The following ARF4 variants were observed in gnomAD, a reference collection of about 807,000 sequenced individuals.
ARF4 encodes the protein ADP-ribosylation factor 4.
A neutral mutation model predicts 24.3 loss-of-function variants in ARF4; 5 were observed. The observed-to-expected ratio is 0.21, with a 90% CI of 0.11 to 0.43. ARF4 has a LOEUF of 0.43. Ranked by LOEUF, ARF4 falls within the 20% of genes least tolerant of loss-of-function variation. ARF4 has a pLI of 1.00. For missense variants in ARF4, 107 were observed against 213.0 expected, an observed-to-expected ratio of 0.50 and a Z score of 3.10; for synonymous variants, 62 against 73.5, an observed-to-expected ratio of 0.84 and a Z score of 0.80.
Position 57,579,313 on chromosome 3 carries a change from A to G in ARF4, c.259-1926T>C, listed in dbSNP as rs901200008. Among the ~76,000 whole-genome samples, 6 of 149,468 alleles carry G rather than the reference A, an allele frequency of 4.0e-5. No homozygotes were observed. In the South Asian group the frequency reaches 1.1e-3, roughly 27 times the overall value. On this transcript the variant is annotated intron_variant, in intron 3 of 5. Transcript: ENST00000303436. Reference sequence around the variant, plus strand: ...TCCACTAAGGGCAAAGGACTATACTATATCTTTTTTTTCACCCAGGCTGGA... The same window carrying G: ...TCCACTAAGGGCAAAGGACTATACTGTATCTTTTTTTTCACCCAGGCTGGA...
chr3:57,593,714 T>C (rs538828153), intron 1 of ARF4, among the ~76,000 whole-genome samples: 1 of 152,306 alleles, frequency 6.6e-6, no homozygotes, highest in Non-Finnish European at 1.5e-5. Context: ...CATCTTATCA[T>C]GGATCAAGAT....
intron 3 of ARF4, among the ~76,000 whole-genome samples, chr3:57,581,644 T>A (rs920218918): frequency 2.6e-5 from 4 of 152,024 alleles, no homozygotes; most frequent in African/African-American, 7.2e-5. Flanking sequence ...CTACTAAAAA[T>A]ACAAAATTAG....
chr3:57,579,433 G>A (rs561962914), intron 3 of ARF4, among the ~76,000 whole-genome samples: 14 of 151,570 alleles, frequency 9.2e-5, no homozygotes, highest in African/African-American at 2.9e-4. Context: ...GATTACAGGC[G>A]CCCACCATTA....
At chr3:57,576,186 T>A (rs550242025) in intron 4 of ARF4, among the ~76,000 whole-genome samples, 1 of 152,134 alleles carries the variant, frequency 6.6e-6, no homozygotes. Context: ...CATGATGCAA[T>A]ATAGACGAAC....
At chr3:57,592,010 A>G (rs964974115) in intron 1 of ARF4, among the ~76,000 whole-genome samples, 4 of 152,306 alleles carry the variant, frequency 2.6e-5, no homozygotes, top group Non-Finnish European at 4.4e-5. Context: ...TACATATACT[A>G]AAACCCACGG....
chr3:57,592,623 T>C (rs1325458822), intron 1 of ARF4, among the ~76,000 whole-genome samples: 1 of 152,176 alleles, frequency 6.6e-6, no homozygotes, highest in Non-Finnish European at 1.5e-5. Context: ...ATCAGTTAAT[T>C]AGCAGCAAAT....
At chr3:57,596,161 A>C (rs995589754) in intron 1 of ARF4, among the ~76,000 whole-genome samples, 1 of 152,132 alleles carries the variant, frequency 6.6e-6, no homozygotes, top group African/African-American at 2.4e-5. Flanking sequence ...CTGAGCAAAA[A>C]CACGCCCCCT....
chr3:57,578,685 G>A (rs1380762895), intron 3 of ARF4, among the ~76,000 whole-genome samples: 1 of 152,012 alleles, frequency 6.6e-6, no homozygotes, highest in African/African-American at 2.4e-5. Flanking sequence ...TCACCACGTT[G>A]CCCATGTGGT....
At chr3:57,576,385 T>C (rs1345040966) in intron 4 of ARF4, among the ~76,000 whole-genome samples, 1 of 152,068 alleles carries the variant, frequency 6.6e-6, no homozygotes, top group African/African-American at 2.4e-5. Flanking sequence ...TTGAGGGTGA[T>C]GAAAATTTTC....
chr3:57,576,445 T>C (rs930641798), intron 4 of ARF4, among the ~76,000 whole-genome samples: 2 of 152,002 alleles, frequency 1.3e-5, no homozygotes, highest in Non-Finnish European at 2.9e-5. Context: ...CTAAAAGCCA[T>C]TGATATGCAC....
chr3:57,583,789 T>A lies in ARF4; in HGVS notation c.258+109A>T, dbSNP rs1188237431. 8 of 772,178 alleles carry A rather than the reference T, an allele frequency of 1.0e-5. No individual in the cohort carries two copies. In the Admixed American group the frequency reaches 1.7e-4, roughly 16 times the overall value. 47.8% of individuals were successfully genotyped at this position (772,178 alleles called of 1,614,324 possible). ...AATGTGGAAGTGGTGATAAGACAAA[T>A]GCCAACTCATAGTAAACACCAATAT... On this transcript the variant is annotated intron_variant, in intron 3 of 5. Coordinates refer to ENST00000303436, the MANE Select transcript of ARF4 (RefSeq NM_001660.4).
rs565972703 is a variant in ARF4 at position 57,582,200 on chromosome 3, G to GT, written c.258+1697dup. On this transcript the variant is annotated intron_variant, in intron 3 of 5. Coordinates refer to ENST00000303436, the MANE Select transcript of ARF4 (RefSeq NM_001660.4). Reference sequence around the variant, plus strand: ...TTTAAAGCATGTGCCTCTGTATCAAGTATCTTTTCTAGTCACAGCTATATT... The same window carrying GT: ...TTTAAAGCATGTGCCTCTGTATCAAGTTATCTTTTCTAGTCACAGCTATATT... 9.2e-5 allele frequency among the ~76,000 whole-genome samples: 14 copies of GT among 151,994 alleles called. No individual in the cohort carries two copies. The South Asian group carries it at 2.9e-3, about 32-fold the overall frequency.
intron 3 of ARF4, among the ~76,000 whole-genome samples, chr3:57,577,978 G>A (rs1275816991): frequency 4.0e-5 from 6 of 151,808 alleles, no homozygotes; most frequent in African/African-American, 9.7e-5. Flanking sequence ...TCACGAGCCC[G>A]AGACGGAGGT....
chr3:57,596,793 C>T, intron 1 of ARF4: 1 of 399,226 alleles, frequency 2.5e-6, no homozygotes, highest in Non-Finnish European at 4.6e-6. Flanking sequence ...CATCTCTGCC[C>T]AATGTTGTCC....
intron 1 of ARF4, among the ~76,000 whole-genome samples, chr3:57,589,595 G>A (rs2070082143): frequency 6.7e-6 from 1 of 149,470 alleles, no homozygotes; most frequent in Non-Finnish European, 1.5e-5. Flanking sequence ...GCTGGCGCCT[G>A]TAAACCCAGC....
rs137944545 is a variant in ARF4, at chr3:57,589,859, G to A, written c.68-5395C>T. Among the ~76,000 whole-genome samples the A allele has an allele frequency of 4.4e-3, 669 of 151,916 alleles. 3 individuals are homozygous for A. The highest frequency in any genetic ancestry group is 7.0e-3 in the Admixed American group (107 of 15,220). On this transcript the variant is annotated intron_variant, in intron 1 of 5. Coordinates refer to ENST00000303436, the MANE Select transcript of ARF4 (RefSeq NM_001660.4). ...TGAAATCCCAGCACTTTAGGAGGCCGAGGAGGGTGGATCATGAGGCCAGGA... is the reference window on the plus strand; with the variant it reads ...TGAAATCCCAGCACTTTAGGAGGCCAAGGAGGGTGGATCATGAGGCCAGGA...
chr3:57,580,169 AT>A (rs2069952676), intron 3 of ARF4, among the ~76,000 whole-genome samples: 2 of 152,162 alleles, frequency 1.3e-5, no homozygotes, highest in Admixed American at 1.3e-4. Flanking sequence ...ACAGACTCAA[AT>A]TCAAATCTTA....
chr3:57,591,467 TTTTC>T (rs1163887885), intron 1 of ARF4, among the ~76,000 whole-genome samples: 20 of 145,696 alleles, frequency 1.4e-4, no homozygotes, highest in African/African-American at 3.7e-4. Flanking sequence ...TTCTCTTTTC[TTTTC>T]TTTTTTTTTT....
At chr3:57,596,035 T>C (rs1463979825) in intron 1 of ARF4, among the ~76,000 whole-genome samples, 1 of 152,078 alleles carries the variant, frequency 6.6e-6, no homozygotes, top group African/African-American at 2.4e-5. Flanking sequence ...CGTTCAAAGT[T>C]AGAGGGGCTT....
Sources: allele counts gnomAD v4.1 joint callset (sites outside exome capture counted in the v4.1 genomes callset), GRCh38; gene constraint gnomAD v4.1.1; transcripts MANE v1.5; gene names NCBI Gene and HGNC (gene_info 2026-07-23, HGNC 2026-07-21).